The following METAP1D variants were observed in gnomAD, a reference collection of about 807,000 sequenced individuals.
The protein encoded by METAP1D is methionyl aminopeptidase type 1D, mitochondrial.
Under a neutral mutation model 40.5 loss-of-function variants are expected in METAP1D, and 31 were observed. That is an observed-to-expected ratio of 0.77 (90% confidence interval 0.58 to 1.03). METAP1D has a LOEUF of 1.03. METAP1D is among the 50% of genes least tolerant of loss of function. METAP1D has a pLI of 0.00. For missense variants in METAP1D, 411 were observed against 420.7 expected, an observed-to-expected ratio of 0.98 and a Z score of 0.20; for synonymous variants, 151 against 146.4, an observed-to-expected ratio of 1.03 and a Z score of -0.22.
At chr2:172,011,385 T>C (rs1013742035) in intron 1 of METAP1D, among the ~76,000 whole-genome samples, 2 of 150,762 alleles carry the variant, frequency 1.3e-5, no homozygotes, top group Non-Finnish European at 3.0e-5. Context: ...CCCAGGTTCA[T>C]GCCATTCTCC....
intron 1 of METAP1D, among the ~76,000 whole-genome samples, chr2:172,009,080 T>G (rs1451643062): frequency 6.6e-6 from 1 of 151,704 alleles, no homozygotes; most frequent in Non-Finnish European, 1.5e-5. Context: ...TCGCCGTGTC[T>G]CTCAGGCTGG....
chr2:172,028,487 A>G (rs1689169051), intron 1 of METAP1D, among the ~76,000 whole-genome samples: 1 of 150,304 alleles, frequency 6.7e-6, no homozygotes. Flanking sequence ...AAACTTAGTA[A>G]TTATTCTCAC....
intron 1 of METAP1D, among the ~76,000 whole-genome samples, chr2:172,004,092 TA>T (rs1323384685): frequency 6.6e-6 from 1 of 151,998 alleles, no homozygotes; most frequent in Non-Finnish European, 1.5e-5. Flanking sequence ...TTAACAAATA[TA>T]AAAAAAACTT....
At chr2:172,040,247 C>A (rs577007863) in intron 1 of METAP1D, among the ~76,000 whole-genome samples, 1 of 152,216 alleles carries the variant, frequency 6.6e-6, no homozygotes, top group Non-Finnish European at 1.5e-5. Context: ...TGAGCCACTG[C>A]GCCCGGCCGA....
intron 1 of METAP1D, among the ~76,000 whole-genome samples, chr2:172,014,468 T>C (rs1348959789): frequency 2.0e-5 from 3 of 152,176 alleles, no homozygotes; most frequent in South Asian, 2.1e-4. Flanking sequence ...TTACATTACA[T>C]TGGGATTATT....
Position 172,081,671 on chromosome 2 carries a change from C to T in METAP1D, c.*1265C>T, listed in dbSNP as rs557897023. The T allele has an allele frequency of 7.9e-5, 12 of 152,442 alleles. No individual in the cohort carries two copies. Among genetic ancestry groups the T allele is most frequent in the African/African-American group, 2.4e-4 (10 of 41,594 alleles). The allele number at this position is 152,442 out of a possible 1,614,324, so 9.4% of individuals were successfully genotyped here. The stretch of plus-strand genomic sequence containing the variant: ...CTGCCTTCGGTTATGATTTTAGGAA[C>T]AAGTCCAACGAGGGTGTTCAAGCAG... On this transcript the variant is annotated 3_prime_UTR_variant, in exon 10 of 10. Transcript: ENST00000315796.
chr2:172,071,400 G>C (rs544217757), intron 6 of METAP1D, among the ~76,000 whole-genome samples: 1 of 152,174 alleles, frequency 6.6e-6, no homozygotes, highest in South Asian at 2.1e-4. Flanking sequence ...CCTAAGAAGG[G>C]GATGAGCATC....
At chr2:172,078,630 C>T (rs74449939) in intron 7 of METAP1D, among the ~76,000 whole-genome samples, 2,933 of 152,258 alleles carry the variant, frequency 0.019, 41 homozygotes, top group Non-Finnish European at 0.031. Flanking sequence ...CCTCGAGGAT[C>T]GCTGGACACC....
intron 1 of METAP1D, among the ~76,000 whole-genome samples, chr2:172,036,260 A>G (rs529704006): frequency 6.8e-6 from 1 of 147,846 alleles, no homozygotes; most frequent in Non-Finnish European, 1.5e-5. Flanking sequence ...GAGCTTGCAG[A>G]GAGCCGAGAT....
intron 5 of METAP1D, among the ~76,000 whole-genome samples, chr2:172,068,962 A>G (rs1249999710): frequency 1.3e-5 from 2 of 150,668 alleles, no homozygotes; most frequent in African/African-American, 4.9e-5. Flanking sequence ...TCTGTCACTC[A>G]GGATGCAGTG....
At chr2:172,068,017 C>A (rs569678196) in intron 5 of METAP1D, among the ~76,000 whole-genome samples, 2 of 152,300 alleles carry the variant, frequency 1.3e-5, no homozygotes, top group African/African-American at 2.4e-5. Flanking sequence ...TCCTTCCCCC[C>A]TTTAAAACTG....
chr2:172,012,565 C>T (rs1172306060), intron 1 of METAP1D, among the ~76,000 whole-genome samples: 1 of 152,180 alleles, frequency 6.6e-6, no homozygotes, highest in African/African-American at 2.4e-5. Context: ...AGATGCTGCA[C>T]TTTAAAGAAA....
intron 5 of METAP1D, among the ~76,000 whole-genome samples, chr2:172,066,895 C>G (rs114854151): frequency 0.016 from 2,384 of 152,268 alleles, 30 homozygotes; most frequent in Non-Finnish European, 0.019. Context: ...GTATAGAGAG[C>G]CTTGTGCTCA....
rs1328659181 is a variant in METAP1D at position 172,082,052 on chromosome 2, TTGA to T, written c.*1651_*1653del. ...AGAACTGGAAAAGACCAAGGAGGGG[TTGA>T]TGATTTACAAGGTCCATAGAAAAAC... is the stretch of plus-strand genomic sequence containing the variant. On this transcript the variant is annotated 3_prime_UTR_variant, in exon 10 of 10. Coordinates refer to ENST00000315796, the MANE Select transcript of METAP1D (RefSeq NM_199227.3). The T allele has an allele frequency of 6.6e-6, 1 of 151,914 alleles. No individual in the cohort carries two copies. The highest frequency in any genetic ancestry group is 1.5e-5 in the Non-Finnish European group (1 of 68,066). 9.4% of individuals were successfully genotyped at this position (151,914 alleles called of 1,614,324 possible).
intron 1 of METAP1D, among the ~76,000 whole-genome samples, chr2:172,045,727 G>GTATATATA (rs1391986739): frequency 1.2e-5 from 1 of 82,112 alleles, no homozygotes; most frequent in African/African-American, 4.0e-5. Flanking sequence ...GTGTGTGTGT[G>GTATATATA]TGTGTATATA....
intron 1 of METAP1D, among the ~76,000 whole-genome samples, chr2:172,050,387 T>C (rs1440196738): frequency 6.6e-6 from 1 of 152,126 alleles, no homozygotes; most frequent in Non-Finnish European, 1.5e-5. Flanking sequence ...TTATGAATAG[T>C]CTGGAGGTTT....
rs1457533953 is a variant in METAP1D at position 172,045,834 on chromosome 2, T to C, written c.41-15664T>C. Among the ~76,000 whole-genome samples the C allele has an allele frequency of 3.0e-4, 27 of 88,564 alleles. 1 individual carries two copies. Among genetic ancestry groups the C allele is most frequent in the African/African-American group, 1.0e-3 (22 of 21,374 alleles). 58.1% of individuals were successfully genotyped at this position (88,564 alleles called of 152,430 possible). On this transcript the variant is annotated intron_variant, in intron 1 of 9. Coordinates refer to ENST00000315796, the MANE Select transcript of METAP1D (RefSeq NM_199227.3). ...GTGTGTGTGTGTATATATATATATA[T>C]ATATATATATATATATATATATATA...
At chr2:172,076,993 A>G (rs1054005800) in intron 6 of METAP1D, among the ~76,000 whole-genome samples, 1 of 152,202 alleles carries the variant, frequency 6.6e-6, no homozygotes, top group Admixed American at 6.5e-5. Context: ...TTAGAATTGG[A>G]GTCTGTGTGC....
In METAP1D at chr2:172,056,845, C is replaced by T. The variant is rs910733335; in HGVS notation, c.41-4653C>T. ...TTTTGGTAACTCACACCTGTTTGAC[C>T]TCCAAGCTCATGCTGTTGTCACTAC... On this transcript the variant is annotated intron_variant, in intron 1 of 9. Transcript: ENST00000315796. Among the ~76,000 whole-genome samples, 6 of 152,194 alleles carry T rather than the reference C, an allele frequency of 3.9e-5. No homozygotes were observed. In the East Asian group the frequency reaches 1.2e-3, roughly 29 times the overall value.
Sources: gnomAD v4.1 joint callset for allele counts (sites outside exome capture counted in the v4.1 genomes callset) on GRCh38, gnomAD v4.1.1 for gene constraint, MANE v1.5 for transcripts, NCBI Gene and HGNC (gene_info 2026-07-23, HGNC 2026-07-21) for gene names.